DPY19L2: variants seen among roughly 807,000 people sequenced by gnomAD.
The protein encoded by DPY19L2 is probable C-mannosyltransferase DPY19L2.
A neutral mutation model predicts 97.9 loss-of-function variants in DPY19L2; 34 were observed. The ratio of observed to expected loss-of-function variants is 0.35; its 90% CI spans 0.26 to 0.46. The LOEUF (loss-of-function observed/expected upper bound fraction) is 0.46, where lower values mean the gene tolerates loss of function less well. Ranked by LOEUF, DPY19L2 falls within the 20% of genes least tolerant of loss-of-function variation. The pLI, the probability that DPY19L2 is intolerant of heterozygous loss-of-function variation, is 1.00. For missense variants in DPY19L2, 623 were observed against 911.4 expected (o/e 0.68, Z 4.07); for synonymous variants, 230 against 307.9 (o/e 0.75, Z 2.65).
rs532489468 is a variant in DPY19L2 at position 63,654,024 on chromosome 12, A to T, written c.589-6659T>A. ...AAATAAAAATAAATAAACAAATTTA[A>T]AAAAATGCAGCCAGCAGAACTTTTA... On this transcript the variant is annotated intron_variant, in intron 4 of 21. Coordinates refer to ENST00000324472, the MANE Select transcript of DPY19L2 (RefSeq NM_173812.5). Among the ~76,000 whole-genome samples, 4 of 152,118 alleles carry T rather than the reference A, an allele frequency of 2.6e-5. No homozygotes were observed. In the South Asian group the frequency reaches 6.2e-4, roughly 24 times the overall value.
At chr12:63,619,721 TC>T (rs1888380284) in intron 9 of DPY19L2, among the ~76,000 whole-genome samples, 1 of 152,068 alleles carries the variant, frequency 6.6e-6, no homozygotes, top group Admixed American at 6.5e-5. Context: ...GCCAGGCTGG[TC>T]TTGAACTCCT....
At chr12:63,628,997 C>T (rs1197143487) in intron 6 of DPY19L2, among the ~76,000 whole-genome samples, 17 of 152,072 alleles carry the variant, frequency 1.1e-4, no homozygotes, top group South Asian at 4.1e-4. Context: ...AGACCTGCAG[C>T]TGAGGGTCCT....
intron 1 of DPY19L2, among the ~76,000 whole-genome samples, chr12:63,667,451 T>G (rs997761935): frequency 2.0e-5 from 3 of 152,130 alleles, no homozygotes; most frequent in Admixed American, 6.5e-5. Context: ...TCTAAATGCT[T>G]GAAGGGCTTA....
chr12:63,630,552 C>T (rs574708637), intron 6 of DPY19L2, among the ~76,000 whole-genome samples: 12 of 152,092 alleles, frequency 7.9e-5, no homozygotes, highest in Non-Finnish European at 1.5e-4. Context: ...TACAGGAGCA[C>T]CTAGATTCAT....
chr12:63,586,178 A>G (rs1881762993), intron 16 of DPY19L2, among the ~76,000 whole-genome samples: 1 of 152,218 alleles, frequency 6.6e-6, no homozygotes, highest in African/African-American at 2.4e-5. Context: ...GTAATGCTCA[A>G]TGCTAGAACA....
At position 63,580,754 on chromosome 12, in the gene DPY19L2, G is replaced by A; in HGVS notation, c.1808C>T (p.Ala603Val). 6.2e-7 allele frequency: 1 copy of A among 1,613,598 alleles called. No homozygotes were observed. Reference sequence around the variant, plus strand: ...TATGCTCCATTGATTACGGAGGTTTGCATAACCTTGTATTGACATCACTGT... The same window carrying A: ...TATGCTCCATTGATTACGGAGGTTTACATAACCTTGTATTGACATCACTGT... ...ILTVMSIQGYANLRNQWSIIG... is the reference protein window; with the variant it reads ...ILTVMSIQGYVNLRNQWSIIG... The change falls in exon 19 of 22, where the codon GCA becomes GTA. Residue 603 changes from alanine (A) to valine (V), a missense_variant. Ala to Val is a moderately conservative substitution (Grantham distance 64). Transcript: ENST00000324472.
At chr12:63,665,931 A>C in intron 1 of DPY19L2, 72 bp from the exon 2 acceptor site, 1 of 1,291,656 alleles carries the variant, frequency 7.7e-7, no homozygotes, top group Non-Finnish European at 1.1e-6. Context: ...CAAGTATTTC[A>C]AATGTATTAT....
intron 21 of DPY19L2, among the ~76,000 whole-genome samples, chr12:63,563,970 C>G (rs1565687965): frequency 6.6e-6 from 1 of 151,956 alleles, no homozygotes; most frequent in African/African-American, 2.4e-5. Flanking sequence ...CTTAAGTGAG[C>G]TTTGATTTTG....
chr12:63,638,649 A>G (rs185110776), intron 6 of DPY19L2, among the ~76,000 whole-genome samples: 1 of 152,256 alleles, frequency 6.6e-6, no homozygotes, highest in East Asian at 1.9e-4. Context: ...CTCACAAGGG[A>G]TGCGAAGGAC....
chr12:63,626,981 G>T (rs577224098), intron 6 of DPY19L2, among the ~76,000 whole-genome samples: 11 of 152,214 alleles, frequency 7.2e-5, no homozygotes, highest in African/African-American at 2.6e-4. Context: ...GTTTTACCAT[G>T]TTGGCTAAGC....
At chr12:63,630,727 T>C (rs530474151) in intron 6 of DPY19L2, among the ~76,000 whole-genome samples, 2 of 152,092 alleles carry the variant, frequency 1.3e-5, no homozygotes, top group Non-Finnish European at 2.9e-5. Context: ...CTAATAGACA[T>C]CTACAGAACT....
chr12:63,668,729 G>A (rs1195852183), upstream of DPY19L2: 3 of 328,732 alleles, frequency 9.1e-6, no homozygotes, highest in South Asian at 7.0e-5. Flanking sequence ...GGTGCGCGCA[G>A]GCCCCAAGCC....
At position 63,663,848 on chromosome 12, in the gene DPY19L2, A is replaced by G. The variant is rs751704846; in HGVS notation, c.363-3T>C. ...CAAAAAGTGTTACTAAATGTAACCT[A>G]GAAAAAAATGAAGTATCATATTACA... On this transcript the variant is annotated splice_region_variant and splice_polypyrimidine_tract_variant and intron_variant, in intron 2 of 21. Transcript: ENST00000324472. 1.3e-6 allele frequency: 2 copies of G among 1,590,538 alleles called. No individual in the cohort carries two copies. Among genetic ancestry groups the G allele is most frequent in the East Asian group, 4.5e-5 (2 of 44,014 alleles).
At chr12:63,574,665 C>T (rs1239258979) in intron 19 of DPY19L2, among the ~76,000 whole-genome samples, 2 of 151,952 alleles carry the variant, frequency 1.3e-5, no homozygotes, top group Non-Finnish European at 2.9e-5. Flanking sequence ...GCCATACTTA[C>T]ATCAGACACA....
chr12:63,641,578 C>T (rs1435774648), intron 6 of DPY19L2, among the ~76,000 whole-genome samples: 1 of 151,768 alleles, frequency 6.6e-6, no homozygotes, highest in Non-Finnish European at 1.5e-5. Flanking sequence ...TAATTTTGTA[C>T]CTGGATTCAT....
At position 63,565,596 on chromosome 12, in the gene DPY19L2, T is replaced by G. The variant is rs542764464; in HGVS notation, c.2126+3628A>C. On this transcript the variant is annotated intron_variant, in intron 21 of 21. Transcript: ENST00000324472. ...ATTTCCTTTTTCCATGTGAGTAACG[T>G]AATTCACAATTTCTGGGAATTAGGA... 1.9e-3 allele frequency among the ~76,000 whole-genome samples: 284 copies of G among 152,304 alleles called. 1 individual carries two copies. Among genetic ancestry groups the G allele is most frequent in the African/African-American group, 6.6e-3 (275 of 41,576 alleles).
intron 8 of DPY19L2, among the ~76,000 whole-genome samples, chr12:63,623,047 G>T (rs914066560): frequency 6.6e-6 from 1 of 152,082 alleles, no homozygotes; most frequent in African/African-American, 2.4e-5. Context: ...AGTAGGTGAA[G>T]AATGGGGTCC....
chr12:63,635,498 G>A (rs530545738), intron 6 of DPY19L2, among the ~76,000 whole-genome samples: 1 of 152,106 alleles, frequency 6.6e-6, no homozygotes, highest in Non-Finnish European at 1.5e-5. Context: ...CAAGCTAAAG[G>A]AGGGTGTTCG....
chr12:63,602,536 G>A (rs60956924), intron 12 of DPY19L2, among the ~76,000 whole-genome samples: 4 of 152,066 alleles, frequency 2.6e-5, no homozygotes, highest in African/African-American at 2.4e-5. Flanking sequence ...ACCTGAATCG[G>A]CATTTGGAAA....
Sources: gnomAD v4.1 joint callset for allele counts (sites outside exome capture counted in the v4.1 genomes callset) on GRCh38, gnomAD v4.1.1 for gene constraint, MANE v1.5 for transcripts, NCBI Gene and HGNC (gene_info 2026-07-23, HGNC 2026-07-21) for gene names.